The following LRBA variants were observed in gnomAD, a reference collection of about 807,000 sequenced individuals.
LRBA encodes lipopolysaccharide-responsive and beige-like anchor protein.
A neutral mutation model predicts 330.0 loss-of-function variants in LRBA; 176 were observed. That is an observed-to-expected ratio of 0.53 (90% CI 0.47 to 0.60). The LOEUF (loss-of-function observed/expected upper bound fraction) is 0.60. Among genes scored for constraint, LRBA ranks in the 20% least tolerant of loss-of-function variants. The pLI, the probability that LRBA is intolerant of heterozygous loss-of-function variation, is 0.00. For synonymous variants in LRBA, 1,230 were observed against 1,193.0 expected (o/e 1.03, Z -0.64); for missense variants, 3,259 against 3,444.8 (o/e 0.95, Z 1.35).
chr4:150,422,703 C>T, intron 46 of LRBA: 2 of 734,512 alleles, frequency 2.7e-6, no homozygotes, highest in Non-Finnish European at 4.9e-6. Flanking sequence ...CTGTGGGCAC[C>T]ACCAGGTGAG....
At chr4:150,798,232 T>C in intron 33 of LRBA, 90 bp from the exon 34 acceptor site, 1 of 835,200 alleles carries the variant, frequency 1.2e-6, no homozygotes, top group South Asian at 1.4e-5. Context: ...TTCAAATTAT[T>C]TTTTCAGACT....
chr4:150,685,387 A>AATTATATAT (rs1392028378), intron 36 of LRBA, among the ~76,000 whole-genome samples: 2 of 12,336 alleles, frequency 1.6e-4, no homozygotes, highest in African/African-American at 6.8e-4. Flanking sequence ...TAAGGAATCA[A>AATTATATAT]ATATATATAT....
intron 40 of LRBA, among the ~76,000 whole-genome samples, chr4:150,513,117 T>A (rs937867571): frequency 2.0e-5 from 3 of 152,206 alleles, no homozygotes; most frequent in Admixed American, 1.3e-4. Flanking sequence ...ACATTGAATG[T>A]ATGATGGCAC....
chr4:150,600,851 T>C (rs939645004), intron 37 of LRBA, among the ~76,000 whole-genome samples: 2 of 152,194 alleles, frequency 1.3e-5, no homozygotes, highest in Non-Finnish European at 2.9e-5. Flanking sequence ...CAGATGGCTG[T>C]GTGTATGGCT....
At chr4:150,393,807 A>T (rs1341263947) in intron 47 of LRBA, among the ~76,000 whole-genome samples, 3 of 152,186 alleles carry the variant, frequency 2.0e-5, no homozygotes, top group Non-Finnish European at 4.4e-5. Flanking sequence ...TCTTTATAGC[A>T]TCATTGATCT....
intron 36 of LRBA, among the ~76,000 whole-genome samples, chr4:150,708,052 G>A (rs903026678): frequency 6.6e-6 from 1 of 151,676 alleles, no homozygotes. Flanking sequence ...TACTTAATGA[G>A]GGCCTGCAAC....
intron 48 of LRBA, among the ~76,000 whole-genome samples, chr4:150,335,703 T>A (rs891255328): frequency 1.3e-5 from 2 of 152,052 alleles, no homozygotes; most frequent in African/African-American, 4.8e-5. Flanking sequence ...TTTTTGTTTT[T>A]GTTTCTTTTT....
chr4:150,388,522 A>C lies in LRBA; in HGVS notation c.7194+26916T>G, dbSNP rs186177532. On this transcript the variant is annotated intron_variant, in intron 47 of 56. Transcript: ENST00000651943. ...GAGGTACGAATCATCTTTAGGCAAA[A>C]TTCCTTCCCAGTTGTGAACCTCTGA... Among the ~76,000 whole-genome samples the C allele has an allele frequency of 3.3e-5, 5 of 152,314 alleles. No individual in the cohort carries two copies. The Middle Eastern group carries it at 0.01, about 311-fold the overall frequency.
At chr4:150,913,298 T>A (rs188241207) in intron 9 of LRBA, among the ~76,000 whole-genome samples, 59 of 152,168 alleles carry the variant, frequency 3.9e-4, no homozygotes, top group African/African-American at 1.4e-3. Context: ...CAAAACCCCA[T>A]CTCTATTAAA....
At chr4:150,714,216 C>A (rs1454640918) in intron 36 of LRBA, among the ~76,000 whole-genome samples, 1 of 152,094 alleles carries the variant, frequency 6.6e-6, no homozygotes, top group Non-Finnish European at 1.5e-5. Context: ...TAGTTATGTA[C>A]AGTACAAATA....
intron 2 of LRBA, among the ~76,000 whole-genome samples, chr4:151,011,994 G>A (rs1312684956): frequency 6.6e-6 from 1 of 152,042 alleles, no homozygotes; most frequent in African/African-American, 2.4e-5. Flanking sequence ...TTCTAGAGTG[G>A]CCAAAACCCC....
chr4:150,590,855 T>C lies in LRBA; in HGVS notation c.6051A>G (p.Thr2017=). The change falls in exon 39 of 57, where the codon ACA becomes ACG. Residue 2017 remains threonine, a synonymous_variant. Coordinates refer to ENST00000651943, the MANE Select transcript of LRBA (RefSeq NM_001364905.1). ...ATLKTAVEHA[T]DEDILAKGKQ... Reference sequence around the variant, plus strand: ...TTCCTTTAGCAAGGATATCTTCATCTGTGGCTGAAATGAAAAGGAAACAAA... The same window carrying C: ...TTCCTTTAGCAAGGATATCTTCATCCGTGGCTGAAATGAAAAGGAAACAAA... 6.2e-7 allele frequency: 1 copy of C among 1,613,758 alleles called. No homozygotes were observed. Among genetic ancestry groups the C allele is most frequent in the Admixed American group, 1.7e-5 (1 of 59,970 alleles).
At chr4:150,267,477 TGAAAAG>T (rs1243617884) in intron 56 of LRBA, among the ~76,000 whole-genome samples, 3 of 150,688 alleles carry the variant, frequency 2.0e-5, no homozygotes, top group Non-Finnish European at 3.0e-5. Context: ...CTGAGACAAA[TGAAAAG>T]GAAATACAAC....
At chr4:150,330,667 T>C (rs62346984) in intron 48 of LRBA, among the ~76,000 whole-genome samples, 38,188 of 151,908 alleles carry the variant, frequency 0.25, 4,938 homozygotes, top group African/African-American at 0.3. Context: ...GTGACAGGGG[T>C]AGAGCTCAGG....
rs185230976 is a variant in LRBA, at chr4:150,416,925, T to C, written c.7042-1335A>G. ...ACTTTACAAGGTAAAGTATCAATCA[T>C]TTCTACTTAAAAAATGAACTAAGGC... On this transcript the variant is annotated intron_variant, in intron 46 of 56. Coordinates refer to ENST00000651943, the MANE Select transcript of LRBA (RefSeq NM_001364905.1). Among the ~76,000 whole-genome samples the C allele has an allele frequency of 2.0e-4, 30 of 152,152 alleles. 1 individual carries two copies. In the East Asian group the frequency reaches 2.9e-3, roughly 15 times the overall value.
intron 36 of LRBA, among the ~76,000 whole-genome samples, chr4:150,714,281 T>C (rs1786523015): frequency 6.6e-6 from 1 of 152,202 alleles, no homozygotes; most frequent in Non-Finnish European, 1.5e-5. Flanking sequence ...AATGTACTTG[T>C]TTATATAACA....
chr4:150,536,249 T>C (rs1354776566), intron 40 of LRBA, among the ~76,000 whole-genome samples: 1 of 152,160 alleles, frequency 6.6e-6, no homozygotes, highest in Non-Finnish European at 1.5e-5. Flanking sequence ...AAGGGATATT[T>C]TTGGAGAAAG....
At chr4:150,847,984 T>C (rs538735962) in intron 26 of LRBA, among the ~76,000 whole-genome samples, 3 of 152,220 alleles carry the variant, frequency 2.0e-5, no homozygotes, top group Non-Finnish European at 2.9e-5. Context: ...TGGGACTTGG[T>C]AGTCAATTTT....
At chr4:150,701,972 T>C (rs1316277120) in intron 36 of LRBA, among the ~76,000 whole-genome samples, 1 of 152,146 alleles carries the variant, frequency 6.6e-6, no homozygotes, top group Non-Finnish European at 1.5e-5. Context: ...ACCATCCTTC[T>C]TCTCACTAAG....
Sources: allele counts gnomAD v4.1 joint callset (sites outside exome capture counted in the v4.1 genomes callset), GRCh38; gene constraint gnomAD v4.1.1; transcripts MANE v1.5; gene names NCBI Gene and HGNC (gene_info 2026-07-23, HGNC 2026-07-21).